Variants in XRN2 observed in about 807,000 individuals in gnomAD.
XRN2 encodes the protein 5'-3' exoribonuclease 2.
XRN2 carries 44 observed loss-of-function variants against 138.5 expected under a neutral mutation model. That is an observed-to-expected ratio of 0.32 (90% CI 0.25 to 0.41). The LOEUF (loss-of-function observed/expected upper bound fraction) is 0.41. XRN2 is among the 10% of genes least tolerant of loss of function. XRN2 has a pLI of 1.00. For synonymous variants in XRN2, 354 were observed against 369.4 expected (o/e 0.96, Z 0.48); for missense variants, 937 against 1,169.3 (o/e 0.80, Z 2.90).
chr20:21,318,270 GTC>G (rs559147091), intron 1 of XRN2, among the ~76,000 whole-genome samples: 2 of 152,004 alleles, frequency 1.3e-5, no homozygotes, highest in African/African-American at 2.4e-5. Flanking sequence ...GTAATGTCCT[GTC>G]TCTCGTCTCT....
chr20:21,326,757 G>T (rs368807318), intron 3 of XRN2, among the ~76,000 whole-genome samples, 156 bp downstream of exon 3: 19 of 152,020 alleles, frequency 1.2e-4, no homozygotes, highest in South Asian at 6.2e-4. Flanking sequence ...ATGTTTTTTT[G>T]TGTGTGTGTT....
chr20:21,332,657 A>G (rs2038229006), intron 9 of XRN2, among the ~76,000 whole-genome samples: 1 of 152,130 alleles, frequency 6.6e-6, no homozygotes, highest in African/African-American at 2.4e-5. Flanking sequence ...ACAGAGATGT[A>G]TCTTTTTTCT....
chr20:21,366,610 T>G (rs918856657), intron 26 of XRN2, among the ~76,000 whole-genome samples: 7 of 151,192 alleles, frequency 4.6e-5, no homozygotes, highest in African/African-American at 1.7e-4. Context: ...GTTTCACACA[T>G]ATATTTTTGT....
intron 1 of XRN2, among the ~76,000 whole-genome samples, chr20:21,319,925 T>C (rs577182942): frequency 6.6e-6 from 1 of 152,308 alleles, no homozygotes; most frequent in African/African-American, 2.4e-5. Flanking sequence ...ATTTATACAA[T>C]TGCTTTTTAA....
chr20:21,317,850 G>C (rs946773421), intron 1 of XRN2, among the ~76,000 whole-genome samples: 1 of 152,170 alleles, frequency 6.6e-6, no homozygotes, highest in African/African-American at 2.4e-5. Flanking sequence ...AGGGCTGACT[G>C]TATTTTGTTG....
intron 27 of XRN2, among the ~76,000 whole-genome samples, chr20:21,377,257 G>GTTTTTTTTTTTTTTTTTTTTTT (rs1166479171): frequency 3.3e-5 from 1 of 30,316 alleles, no homozygotes; most frequent in African/African-American, 1.9e-4. Context: ...TGATTTGTCG[G>GTTTTTTTTTTTTTTTTTTTTTT]TTTTTTCTTT....
At chr20:21,351,254 C>G (rs995630006) in intron 20 of XRN2, among the ~76,000 whole-genome samples, 3 of 152,130 alleles carry the variant, frequency 2.0e-5, no homozygotes, top group Non-Finnish European at 2.9e-5. Flanking sequence ...CACATCCTCT[C>G]CAACATTTGT....
chr20:21,340,686 A>T (rs1478712753), intron 14 of XRN2, 35 bp from the exon 15 acceptor site: 1 of 1,601,722 alleles, frequency 6.2e-7, no homozygotes. Flanking sequence ...GTTGTGATTT[A>T]ATTTTAATTT....
intron 27 of XRN2, among the ~76,000 whole-genome samples, chr20:21,370,111 C>G (rs2038744850): frequency 6.6e-6 from 1 of 152,138 alleles, no homozygotes; most frequent in Non-Finnish European, 1.5e-5. Context: ...ATTGAAGAGA[C>G]TGTCCTTTCC....
chr20:21,303,803 G>A (rs2037774785), intron 1 of XRN2: 2 of 1,090,926 alleles, frequency 1.8e-6, no homozygotes, highest in South Asian at 3.7e-5. Flanking sequence ...CGCATTTTGG[G>A]TCTCGGAAGA....
intron 1 of XRN2, among the ~76,000 whole-genome samples, chr20:21,307,699 C>A (rs1265801411): frequency 2.6e-5 from 2 of 76,034 alleles, no homozygotes; most frequent in Non-Finnish European, 6.2e-5. Flanking sequence ...TGAACGTGAC[C>A]TCTAAAACAT....
Position 21,368,351 on chromosome 20 carries a change from C to G in XRN2, c.2457-112C>G, listed in dbSNP as rs905731965. On this transcript the variant is annotated intron_variant, in intron 26 of 29. Transcript: ENST00000377191. ...ACCTTTTTGTTTGTATTATCTTAATCAGATCTGTTAGTGAAGACGTGGCTA... is the reference window on the plus strand; with the variant it reads ...ACCTTTTTGTTTGTATTATCTTAATGAGATCTGTTAGTGAAGACGTGGCTA... The G allele has an allele frequency of 3.0e-6, 4 of 1,316,898 alleles. No individual in the cohort carries two copies. The Admixed American group carries it at 9.5e-5, about 31-fold the overall frequency. The allele number at this position is 1,316,898 out of a possible 1,614,324, so 81.6% of individuals were successfully genotyped here.
intron 1 of XRN2, among the ~76,000 whole-genome samples, chr20:21,305,104 A>C (rs1278117641): frequency 6.6e-6 from 1 of 152,156 alleles, no homozygotes; most frequent in Non-Finnish European, 1.5e-5. Context: ...TTCTTCTTGA[A>C]TAGTCCTTCT....
Position 21,334,101 on chromosome 20 carries a change from T to C in XRN2, c.1149T>C (p.Tyr383=), listed in dbSNP as rs2122219109. 1 of 1,614,058 alleles carries C rather than the reference T, an allele frequency of 6.2e-7. No individual in the cohort carries two copies. The change falls in exon 13 of 30, where the codon TAT becomes TAC. Residue 383 remains tyrosine (Y), a synonymous_variant. Transcript: ENST00000377191. ...KTGGYLTESG[Y]VNLQRVQMIM... is the part of the protein sequence containing the mutation. ...AGGGTTACCTTACAGAAAGTGGTTATGTCAATCTGCAAAGAGTACAGATGA... is the reference window on the plus strand; with the variant it reads ...AGGGTTACCTTACAGAAAGTGGTTACGTCAATCTGCAAAGAGTACAGATGA...
chr20:21,325,931 G>T (rs1278088711), intron 1 of XRN2, among the ~76,000 whole-genome samples: 3 of 152,164 alleles, frequency 2.0e-5, no homozygotes, highest in African/African-American at 7.2e-5. Context: ...GATGAAGTAG[G>T]TAAGCATTTT....
chr20:21,334,375 T>C (rs980540091), intron 13 of XRN2, among the ~76,000 whole-genome samples, 190 bp downstream of exon 13: 4 of 152,242 alleles, frequency 2.6e-5, no homozygotes, highest in African/African-American at 4.8e-5. Flanking sequence ...TGGAACTATG[T>C]ATTGTACCCT....
chr20:21,353,568 A>T (rs1478410241), intron 20 of XRN2, among the ~76,000 whole-genome samples: 2 of 151,888 alleles, frequency 1.3e-5, no homozygotes, highest in African/African-American at 4.8e-5. Context: ...AGTTGGAAGG[A>T]TTGCTTGAAA....
Position 21,326,544 on chromosome 20 carries a change from C to T in XRN2, c.258C>T (p.Asp86=), listed in dbSNP as rs1225707128. Residue 86 remains aspartate, a synonymous_variant, in exon 3 of 30, where the codon GAC becomes GAT. Coordinates refer to ENST00000377191, the MANE Select transcript of XRN2 (RefSeq NM_012255.5). ...EMMVAIFEYI[D]RLFSIVRPRR... ...TGGTTGCAATTTTTGAGTACATTGA[C>T]AGACTTTTCAGTATTGTAAGACCAA... 3 of 1,614,014 alleles carry T rather than the reference C, an allele frequency of 1.9e-6. No homozygotes were observed. Among genetic ancestry groups the T allele is most frequent in the Non-Finnish European group, 2.5e-6 (3 of 1,179,968 alleles).
intron 24 of XRN2, among the ~76,000 whole-genome samples, chr20:21,358,595 T>C (rs2038601843): frequency 6.6e-6 from 1 of 152,148 alleles, no homozygotes; most frequent in South Asian, 2.1e-4. Flanking sequence ...GGAAATATTT[T>C]AGATTTTTTT....
Sources: gnomAD v4.1 joint callset for allele counts (sites outside exome capture counted in the v4.1 genomes callset) on GRCh38, gnomAD v4.1.1 for gene constraint, MANE v1.5 for transcripts, NCBI Gene and HGNC (gene_info 2026-07-23, HGNC 2026-07-21) for gene names.